Variants in DSTYK observed in about 807,000 individuals in gnomAD.
DSTYK encodes RIP-homologous kinase.
Under a neutral mutation model 98.7 loss-of-function variants are expected in DSTYK, and 34 were observed. The ratio of observed to expected loss-of-function variants is 0.34; its 90% CI spans 0.26 to 0.46. The LOEUF (loss-of-function observed/expected upper bound fraction) is 0.46, where lower values mean the gene tolerates loss of function less well. Ranked by LOEUF, DSTYK falls within the 20% of genes least tolerant of loss-of-function variation. DSTYK has a pLI of 1.00. For synonymous variants in DSTYK, 462 were observed against 457.3 expected, an observed-to-expected ratio of 1.01 and a Z score of -0.13; for missense variants, 962 against 1,181.7, an observed-to-expected ratio of 0.81 and a Z score of 2.73.
rs1443653389 is a variant in DSTYK at position 205,169,152 on chromosome 1, C to T, written c.1324+11G>A. ...CCGTGCCAGCACCCCAACAAGCTCT[C>T]TGGGACCTACCTTTAAACTCCATGT... On this transcript the variant is annotated intron_variant, in intron 3 of 12. Transcript: ENST00000367162. The surrounding 1 kb of genome is among the most constrained non-coding windows in gnomAD (Gnocchi z 4.0). The T allele has an allele frequency of 1.9e-6, 3 of 1,578,088 alleles. No homozygotes were observed. The Admixed American group carries it at 5.2e-5, about 28-fold the overall frequency.
chr1:205,174,107 A>T (rs1658153700), intron 2 of DSTYK, among the ~76,000 whole-genome samples: 1 of 151,974 alleles, frequency 6.6e-6, no homozygotes, highest in Admixed American at 6.6e-5. Flanking sequence ...AGTCAGGCAC[A>T]GTGGCTCATG....
chr1:205,198,130 C>T (rs1574796487), intron 1 of DSTYK, among the ~76,000 whole-genome samples: 1 of 151,920 alleles, frequency 6.6e-6, no homozygotes, highest in South Asian at 2.1e-4. Flanking sequence ...GAGGTGGAGG[C>T]TGCGGTGAGC....
At position 205,211,524 on chromosome 1, in the gene DSTYK, G is replaced by T; in HGVS notation, c.12C>A (p.Asp4Glu). 6.5e-7 allele frequency: 1 copy of T among 1,547,580 alleles called. No homozygotes were observed. Residue 4 changes from aspartate (D) to glutamate (E), a missense_variant, in exon 1 of 13, where the codon GAC (aspartate) becomes GAA (glutamate). Coordinates refer to ENST00000367162, the MANE Select transcript of DSTYK (RefSeq NM_015375.3). Reference protein sequence around the residue: MEGDGVPWGSEPVS... With the variant: MEGEGVPWGSEPVS... ...CGGGCTCGCTGCCCCATGGCACCCC[G>T]TCGCCCTCCATCGCCTCTGCCCGCT...
intron 2 of DSTYK, among the ~76,000 whole-genome samples, chr1:205,170,615 G>A (rs192698508): frequency 5.9e-5 from 9 of 152,268 alleles, no homozygotes; most frequent in Admixed American, 3.9e-4. Flanking sequence ...ATATCCCGAA[G>A]TCTTAGCAAC....
chr1:205,150,712 G>A lies in DSTYK; in HGVS notation c.2435C>T (p.Thr812Ile). The A allele has an allele frequency of 6.2e-7, 1 of 1,614,018 alleles. No homozygotes were observed. The highest frequency in any genetic ancestry group is 8.5e-7 in the Non-Finnish European group (1 of 1,179,994). Reference protein sequence around the residue: ...EAMMSGSIVGTPIHMAPELFT... With the variant: ...EAMMSGSIVGIPIHMAPELFT... The stretch of plus-strand genomic sequence containing the variant: ...AAGTTCAGGGGCCATATGGATTGGT[G>A]TCCCCACAATGCTGCCTGACATCAT... The change falls in exon 11 of 13, where the codon ACA becomes ATA. Residue 812 changes from threonine to isoleucine, a missense_variant. By Grantham distance (89) the Thr-to-Ile change is moderately conservative. Transcript: ENST00000367162. The surrounding 1 kb of genome is among the most constrained non-coding windows in gnomAD (Gnocchi z 4.1).
intron 2 of DSTYK, among the ~76,000 whole-genome samples, chr1:205,176,107 G>A (rs1483192747): frequency 6.6e-6 from 1 of 152,188 alleles, no homozygotes; most frequent in Non-Finnish European, 1.5e-5. Flanking sequence ...GATTTCTCTT[G>A]TAGAACGCAT....
intron 2 of DSTYK, among the ~76,000 whole-genome samples, chr1:205,174,573 C>T (rs1658170605): frequency 6.7e-6 from 1 of 149,260 alleles, no homozygotes; most frequent in South Asian, 2.1e-4. Context: ...GTCTCAGCTA[C>T]TTGGGAGGCT....
At chr1:205,194,419 T>C (rs1467606479) in intron 1 of DSTYK, among the ~76,000 whole-genome samples, 1 of 152,208 alleles carries the variant, frequency 6.6e-6, no homozygotes, top group Non-Finnish European at 1.5e-5. Context: ...TGCTTTATTA[T>C]ACTCCTGCAG....
Position 205,202,103 on chromosome 1 carries a change from GGGGGAAGGGAGAA to G in DSTYK, c.265+9155_265+9167del, listed in dbSNP as rs1437757456. The G allele has an allele frequency of 2.9e-4, 123 of 419,906 alleles. 2 individuals are homozygous for G. Among genetic ancestry groups the G allele is most frequent in the South Asian group, 2.0e-3 (116 of 57,260 alleles). The allele number at this position is 419,906 out of a possible 1,614,324, so 26.0% of individuals were successfully genotyped here. ...GGGAAAGGGAGAAGGGGAAGGGAGAGGGGGAAGGGAGAAGGGGAAGGGAAGGGAAGGGGAAGGG... is the reference window on the plus strand; with the variant it reads ...GGGAAAGGGAGAAGGGGAAGGGAGAGGGGGAAGGGAAGGGAAGGGGAAGGG... On this transcript the variant is annotated intron_variant, in intron 1 of 12. Coordinates refer to ENST00000367162, the MANE Select transcript of DSTYK (RefSeq NM_015375.3).
intron 2 of DSTYK, among the ~76,000 whole-genome samples, chr1:205,174,446 G>A (rs1394559662): frequency 6.6e-6 from 1 of 151,488 alleles, no homozygotes; most frequent in East Asian, 2.0e-4. Context: ...CCAGAAGGAG[G>A]AGGTTGCAGT....
At chr1:205,168,093 G>A (rs533775765) in intron 3 of DSTYK, among the ~76,000 whole-genome samples, 6 of 152,286 alleles carry the variant, frequency 3.9e-5, no homozygotes, top group East Asian at 3.9e-4. Flanking sequence ...GCGACAGAGC[G>A]AGACTTAATC....
chr1:205,155,313 G>C (rs1657525693), intron 10 of DSTYK, among the ~76,000 whole-genome samples: 1 of 151,982 alleles, frequency 6.6e-6, no homozygotes, highest in Non-Finnish European at 1.5e-5. Flanking sequence ...GCAAAGTGTT[G>C]AAGAGGAGGC....
rs1657270681 is a variant in DSTYK, at chr1:205,147,501, G to A, written c.*57C>T. The A allele has an allele frequency of 3.2e-6, 5 of 1,553,546 alleles. No homozygotes were observed. In the East Asian group the frequency reaches 6.8e-5, roughly 21 times the overall value. On this transcript the variant is annotated 3_prime_UTR_variant, in exon 13 of 13. Transcript: ENST00000367162. Reference sequence around the variant, plus strand: ...GAATAAATGTCAAATTCTCCCCATGGCCAAAAGGTGAGGGGGAAGGAAATA... The same window carrying A: ...GAATAAATGTCAAATTCTCCCCATGACCAAAAGGTGAGGGGGAAGGAAATA...
chr1:205,162,150 C>A lies in DSTYK; in HGVS notation c.1704G>T (p.Val568=), dbSNP rs572965275. ...PAITLEWKRK[V]AQEAIESLSA... is the part of the protein sequence containing the mutation. ...TGAGGCTCTCAATGGCTTCCTGGGC[C>A]ACCTTCCTCTTCCATTCCAGAGTGA... is the stretch of plus-strand genomic sequence containing the variant. Residue 568 remains valine (V), a synonymous_variant, in exon 6 of 13, where the codon GTG becomes GTT. Transcript: ENST00000367162. 1 of 1,614,188 alleles carries A rather than the reference C, an allele frequency of 6.2e-7. No individual in the cohort carries two copies. The highest frequency in any genetic ancestry group is 1.1e-5 in the South Asian group (1 of 91,082).
intron 1 of DSTYK, among the ~76,000 whole-genome samples, chr1:205,201,493 A>G (rs1659040132): frequency 6.9e-6 from 1 of 144,302 alleles, no homozygotes; most frequent in Non-Finnish European, 1.5e-5. Context: ...GGGCCCAGAG[A>G]GTAAAATGTG....
chr1:205,159,337 C>T (rs975562039), intron 9 of DSTYK, among the ~76,000 whole-genome samples: 1 of 152,238 alleles, frequency 6.6e-6, no homozygotes, highest in Non-Finnish European at 1.5e-5. Flanking sequence ...GATCCTCCCA[C>T]CTTGGCCTCC....
At chr1:205,207,170 C>T (rs12091341) in intron 1 of DSTYK, among the ~76,000 whole-genome samples, 2,349 of 151,706 alleles carry the variant, frequency 0.015, 55 homozygotes, top group African/African-American at 0.053. Context: ...CCTCCGCCTC[C>T]TGGGTTCAAG....
chr1:205,209,893 C>CTAT (rs372431377), intron 1 of DSTYK, among the ~76,000 whole-genome samples: 5,601 of 150,140 alleles, frequency 0.037, 225 homozygotes, highest in African/African-American at 0.11. Context: ...TTTATTATTA[C>CTAT]TATTATTATT....
Position 205,162,067 on chromosome 1 carries a change from G to A in DSTYK, c.1787C>T (p.Ser596Phe). ...CAAGGAGGCTGCAAAAGCCTCGTGG[G>A]AACTATTGAGCCGAGTCCGGAATTG... ...CSQFRTRLNS[S>F]HEAFAASLRQ... The change falls in exon 6 of 13, where the codon TCC becomes TTC. Residue 596 changes from serine (S) to phenylalanine (F), a missense_variant. Transcript: ENST00000367162. The A allele has an allele frequency of 6.2e-7, 1 of 1,613,998 alleles. No individual in the cohort carries two copies.
Sources: gnomAD v4.1 joint callset for allele counts (sites outside exome capture counted in the v4.1 genomes callset) on GRCh38, gnomAD v4.1.1 for gene constraint, Gnocchi (gnomAD v3.1) non-coding constraint, MANE v1.5 for transcripts, NCBI Gene and HGNC (gene_info 2026-07-23, HGNC 2026-07-21) for gene names.